Variants in SERPINI1 observed in about 807,000 individuals in gnomAD.
SERPINI1 encodes the protein neuroserpin.
SERPINI1 carries 19 observed loss-of-function variants against 41.1 expected under a neutral mutation model. The ratio of observed to expected loss-of-function variants is 0.46; its 90% CI spans 0.32 to 0.68. SERPINI1 has a LOEUF of 0.68. SERPINI1 is among the 30% of genes least tolerant of loss of function. The probability of loss-of-function intolerance (pLI) is 0.03; values close to 1 mark genes in which losing one functional copy is unlikely to be tolerated. For missense variants in SERPINI1, 460 were observed against 479.2 expected (o/e 0.96, Z 0.37); for synonymous variants, 138 against 156.6 (o/e 0.88, Z 0.89).
At chr3:167,755,412 G>C (rs895716001) in intron 1 of SERPINI1, among the ~76,000 whole-genome samples, 1 of 152,082 alleles carries the variant, frequency 6.6e-6, no homozygotes, top group African/African-American at 2.4e-5. Context: ...GGAACTTACT[G>C]GTAAAAATAA....
Position 167,788,977 on chromosome 3 carries a change from C to T in SERPINI1, c.-18-134C>T. ...GGTATCTTGTTCCTGGGAGAATCCT[C>T]AGAACTTAGCAGTGTTATTTGTTCA... On this transcript the variant is annotated intron_variant, in intron 1 of 8. Coordinates refer to ENST00000446050, the MANE Select transcript of SERPINI1 (RefSeq NM_001122752.2). The T allele has an allele frequency of 3.7e-6, 3 of 816,918 alleles. No individual in the cohort carries two copies. The South Asian group carries it at 5.2e-5, about 14-fold the overall frequency. 50.6% of individuals were successfully genotyped at this position (816,918 alleles called of 1,614,324 possible). A position where few individuals can be genotyped will look rare whatever the true frequency, so the allele number is the denominator to read the frequency against.
Position 167,790,744 on chromosome 3 carries a change from T to C in SERPINI1, c.481+142T>C. The C allele has an allele frequency of 2.3e-5, 15 of 655,024 alleles. No individual in the cohort carries two copies. In the South Asian group the frequency reaches 2.6e-4, roughly 11 times the overall value. 40.6% of individuals were successfully genotyped at this position (655,024 alleles called of 1,614,324 possible). ...GTATCTAATAATTATTTTGTATAGA[T>C]TATGGCCTATTTGAGAAACATTGTT... is the stretch of plus-strand genomic sequence containing the variant. On this transcript the variant is annotated intron_variant, in intron 3 of 8. Transcript: ENST00000446050.
chr3:167,753,409 C>T (rs979123598), intron 1 of SERPINI1, among the ~76,000 whole-genome samples: 1 of 152,090 alleles, frequency 6.6e-6, no homozygotes, highest in African/African-American at 2.4e-5. Flanking sequence ...GTTCCTTTCT[C>T]ATGAAACTAT....
chr3:167,741,680 A>C (rs1474316346), intron 1 of SERPINI1, among the ~76,000 whole-genome samples: 4 of 152,218 alleles, frequency 2.6e-5, no homozygotes, highest in African/African-American at 9.6e-5. Flanking sequence ...TGTGTACTTC[A>C]CGAAGCAATT....
At chr3:167,815,361 G>A (rs1356578743) in intron 6 of SERPINI1, among the ~76,000 whole-genome samples, 1 of 151,638 alleles carries the variant, frequency 6.6e-6, no homozygotes, top group East Asian at 1.9e-4. Context: ...CTTAGTACCT[G>A]TGATGTGATT....
intron 6 of SERPINI1, among the ~76,000 whole-genome samples, chr3:167,816,148 A>G (rs1184041865): frequency 6.6e-6 from 1 of 152,092 alleles, no homozygotes; most frequent in Non-Finnish European, 1.5e-5. Flanking sequence ...AGCTCAGGTG[A>G]TCCTCCCACC....
intron 1 of SERPINI1, among the ~76,000 whole-genome samples, chr3:167,770,217 TA>T (rs1170982617): frequency 6.6e-6 from 1 of 151,956 alleles, no homozygotes; most frequent in Admixed American, 6.5e-5. Context: ...AGTATATGTT[TA>T]AAAAAGTTCA....
At chr3:167,759,307 C>T (rs1358379651) in intron 1 of SERPINI1, among the ~76,000 whole-genome samples, 3 of 151,194 alleles carry the variant, frequency 2.0e-5, no homozygotes, top group Non-Finnish European at 4.4e-5. Context: ...ATCAAAAAGA[C>T]ACCTTACTCA....
rs1244165959 is a variant in SERPINI1 at position 167,759,399 on chromosome 3, G to T, written c.-19+23576G>T. ...CATCAACATTGGATAAAGAAAATGT[G>T]GTATATATATATATATATATATGCG... On this transcript the variant is annotated intron_variant, in intron 1 of 8. Coordinates refer to ENST00000446050, the MANE Select transcript of SERPINI1 (RefSeq NM_001122752.2). Among the ~76,000 whole-genome samples the T allele has an allele frequency of 7.4e-5, 6 of 81,616 alleles. No homozygotes were observed. The South Asian group carries it at 1.6e-3, about 22-fold the overall frequency. 53.5% of individuals were successfully genotyped at this position (81,616 alleles called of 152,430 possible).
Position 167,772,872 on chromosome 3 carries a change from A to C in SERPINI1, c.-18-16239A>C, listed in dbSNP as rs1211421406. The stretch of plus-strand genomic sequence containing the variant: ...TCTCTCTCTCTCTCTCTCTATATAT[A>C]TATATATATATATATATATATACAC... On this transcript the variant is annotated intron_variant, in intron 1 of 8. Coordinates refer to ENST00000446050, the MANE Select transcript of SERPINI1 (RefSeq NM_001122752.2). Among the ~76,000 whole-genome samples the C allele has an allele frequency of 8.0e-3, 333 of 41,586 alleles. 3 individuals carry two copies. Among genetic ancestry groups the C allele is most frequent in the Non-Finnish European group, 9.5e-3 (222 of 23,324 alleles). 27.3% of individuals were successfully genotyped at this position (41,586 alleles called of 152,430 possible). A position where few individuals can be genotyped will look rare whatever the true frequency, so the allele number is the denominator to read the frequency against.
At chr3:167,808,118 C>CA (rs1303375184) in intron 6 of SERPINI1, among the ~76,000 whole-genome samples, 1 of 105,260 alleles carries the variant, frequency 9.5e-6, no homozygotes, top group Non-Finnish European at 2.1e-5. Context: ...AACTCTGTCT[C>CA]AAAAAATAGT....
chr3:167,778,338 G>A (rs1278781291), intron 1 of SERPINI1, among the ~76,000 whole-genome samples: 3 of 152,200 alleles, frequency 2.0e-5, no homozygotes, highest in Non-Finnish European at 4.4e-5. Flanking sequence ...AAGCAGCTCA[G>A]CAGTAGAGTG....
At chr3:167,756,977 TC>T (rs1279195802) in intron 1 of SERPINI1, among the ~76,000 whole-genome samples, 1 of 152,224 alleles carries the variant, frequency 6.6e-6, no homozygotes, top group Non-Finnish European at 1.5e-5. Flanking sequence ...CTGTAGGGAA[TC>T]AATTCTGTGA....
At chr3:167,786,228 T>G (rs1485266820) in intron 1 of SERPINI1, among the ~76,000 whole-genome samples, 2 of 151,676 alleles carry the variant, frequency 1.3e-5, no homozygotes, top group Admixed American at 1.3e-4. Flanking sequence ...ATAGGCCGGG[T>G]GTGGTGGCTC....
chr3:167,737,097 A>T (rs1249714193), intron 1 of SERPINI1, among the ~76,000 whole-genome samples: 1 of 151,650 alleles, frequency 6.6e-6, no homozygotes, highest in Non-Finnish European at 1.5e-5. Flanking sequence ...CGGGATTTTA[A>T]ATTTTATTTT....
intron 6 of SERPINI1, among the ~76,000 whole-genome samples, chr3:167,817,875 A>G (rs1011206632): frequency 6.6e-6 from 1 of 151,974 alleles, no homozygotes; most frequent in African/African-American, 2.4e-5. Context: ...CTGGGATTAC[A>G]GGCGTGAGCC....
intron 5 of SERPINI1, among the ~76,000 whole-genome samples, chr3:167,805,144 A>C (rs899359944): frequency 5.3e-5 from 8 of 152,218 alleles, no homozygotes; most frequent in African/African-American, 1.9e-4. Flanking sequence ...TCTTAAGTGT[A>C]CTAATTTACA....
At chr3:167,806,431 C>A (rs1301328485) in intron 5 of SERPINI1, among the ~76,000 whole-genome samples, 1 of 152,038 alleles carries the variant, frequency 6.6e-6, no homozygotes, top group African/African-American at 2.4e-5. Context: ...CACCATGATA[C>A]ATGTATACCT....
intron 1 of SERPINI1, among the ~76,000 whole-genome samples, chr3:167,756,113 C>T (rs1314306553): frequency 6.6e-6 from 1 of 151,988 alleles, no homozygotes; most frequent in Non-Finnish European, 1.5e-5. Context: ...GTTTTAGGAC[C>T]ACATGAGTAA....
Sources: allele counts gnomAD v4.1 joint callset (sites outside exome capture counted in the v4.1 genomes callset), GRCh38; gene constraint gnomAD v4.1.1; transcripts MANE v1.5; gene names NCBI Gene and HGNC (gene_info 2026-07-23, HGNC 2026-07-21).